The following ZBTB16 variants were observed in gnomAD, a reference collection of about 807,000 sequenced individuals.
ZBTB16 encodes the protein zinc finger and BTB domain containing 16.
ZBTB16 carries 8 observed loss-of-function variants against 56.8 expected under a neutral mutation model. The observed-to-expected ratio is 0.14, with a 90% CI of 0.08 to 0.25. The LOEUF (loss-of-function observed/expected upper bound fraction) is 0.25, where lower values mean the gene tolerates loss of function less well. Ranked by LOEUF, ZBTB16 falls within the 10% of genes least tolerant of loss-of-function variation. ZBTB16 has a pLI of 1.00. For synonymous variants in ZBTB16, 363 were observed against 368.5 expected (o/e 0.98, Z 0.17); for missense variants, 625 against 903.0 (o/e 0.69, Z 3.95).
intron 3 of ZBTB16, among the ~76,000 whole-genome samples, chr11:114,179,262 AAG>A (rs1943189138): frequency 7.6e-6 from 1 of 130,992 alleles, no homozygotes; most frequent in Non-Finnish European, 1.6e-5. Flanking sequence ...ACAAAGGAGA[AAG>A]AGCAAGAGAG....
At chr11:114,175,754 T>C (rs1943093442) in intron 3 of ZBTB16, among the ~76,000 whole-genome samples, 1 of 151,998 alleles carries the variant, frequency 6.6e-6, no homozygotes, top group Admixed American at 6.6e-5. Context: ...AAGAATGCCA[T>C]CGAGACTGAG....
At chr11:114,069,329 C>A (rs1939243886) in intron 2 of ZBTB16, among the ~76,000 whole-genome samples, 1 of 152,232 alleles carries the variant, frequency 6.6e-6, no homozygotes, top group African/African-American at 2.4e-5. Context: ...TCGTGATCCA[C>A]CTGCCTCGGC....
chr11:114,214,608 G>T lies in ZBTB16; in HGVS notation c.1454-27559G>T, dbSNP rs760957909. On this transcript the variant is annotated intron_variant, in intron 4 of 6. Transcript: ENST00000335953. ...TTGGGGGCTTTTTTTTGGCTTTTTT[G>T]TTGTTGTTGTTTTGAGACAGGGTCT... 3.9e-5 allele frequency among the ~76,000 whole-genome samples: 6 copies of T among 152,018 alleles called. No individual in the cohort carries two copies. The South Asian group carries it at 8.3e-4, about 21-fold the overall frequency.
rs555951815 is a variant in ZBTB16, at chr11:114,080,730, C to T, written c.1268+16162C>T. On this transcript the variant is annotated intron_variant, in intron 2 of 6. Coordinates refer to ENST00000335953, the MANE Select transcript of ZBTB16 (RefSeq NM_006006.6). ...GTATCTGCTTTCTCCCTTCTATTTA[C>T]TTCAGATCCATATTCATATCATGCT... 2.6e-5 allele frequency among the ~76,000 whole-genome samples: 4 copies of T among 152,280 alleles called. No homozygotes were observed. The South Asian group carries it at 8.3e-4, about 32-fold the overall frequency.
chr11:114,216,642 C>T (rs1186079007), intron 4 of ZBTB16, among the ~76,000 whole-genome samples: 3 of 152,214 alleles, frequency 2.0e-5, no homozygotes, highest in African/African-American at 4.8e-5. Context: ...ATACACATTT[C>T]TCTTGACTTA....
chr11:114,142,597 A>G (rs1941983977), intron 2 of ZBTB16, among the ~76,000 whole-genome samples: 2 of 152,352 alleles, frequency 1.3e-5, no homozygotes, highest in South Asian at 2.1e-4. Flanking sequence ...AAGGCAATAA[A>G]TGGCTCAGAA....
intron 4 of ZBTB16, among the ~76,000 whole-genome samples, chr11:114,208,084 A>G (rs1943925587): frequency 1.3e-5 from 2 of 152,072 alleles, no homozygotes; most frequent in South Asian, 4.1e-4. Context: ...TTCTCAGCTC[A>G]TTTGTCTTCT....
intron 4 of ZBTB16, among the ~76,000 whole-genome samples, chr11:114,192,505 G>T (rs1424007985): frequency 6.6e-6 from 1 of 152,192 alleles, no homozygotes; most frequent in Non-Finnish European, 1.5e-5. Context: ...CTGCTGTTAA[G>T]ATTATTGTCA....
At chr11:114,170,501 C>T (rs748068795) in intron 3 of ZBTB16, among the ~76,000 whole-genome samples, 10 of 152,190 alleles carry the variant, frequency 6.6e-5, no homozygotes, top group Non-Finnish European at 1.3e-4. Flanking sequence ...TTGGCTCTCT[C>T]CAGGATTCAA....
intron 4 of ZBTB16, among the ~76,000 whole-genome samples, chr11:114,241,234 A>T (rs920009953): frequency 1.6e-5 from 2 of 121,346 alleles, no homozygotes; most frequent in African/African-American, 1.1e-4. Context: ...AGAAGTAGTT[A>T]AAAAAAAAAA....
intron 3 of ZBTB16, among the ~76,000 whole-genome samples, chr11:114,176,779 A>G (rs1943125771): frequency 1.3e-5 from 2 of 152,204 alleles, no homozygotes; most frequent in Admixed American, 1.3e-4. Flanking sequence ...TACACAGCTC[A>G]GGCAGTGACA....
chr11:114,087,536 TG>T (rs1393439015), intron 2 of ZBTB16, among the ~76,000 whole-genome samples: 1 of 152,190 alleles, frequency 6.6e-6, no homozygotes, highest in Non-Finnish European at 1.5e-5. Context: ...CTGTGGCTCC[TG>T]TCTTCCCTTT....
Position 114,063,290 on chromosome 11 carries a change from A to AG in ZBTB16, c.-7dup. On this transcript the variant is annotated 5_prime_UTR_variant, in exon 2 of 7. Coordinates refer to ENST00000335953, the MANE Select transcript of ZBTB16 (RefSeq NM_006006.6). This position sits in a 1 kb window ranked among gnomAD's most constrained non-coding sequence, Gnocchi z 6.5. The stretch of plus-strand genomic sequence containing the variant: ...GAAAGAAAGCCTCATGCCTGAGCCG[A>AG]GGGGAGCACCATGGATCTGACAAAA... The AG allele has an allele frequency of 1.2e-6, 2 of 1,613,508 alleles. No homozygotes were observed. The highest frequency in any genetic ancestry group is 1.7e-6 in the Non-Finnish European group (2 of 1,179,946).
At chr11:114,225,999 A>G (rs1254787939) in intron 4 of ZBTB16, among the ~76,000 whole-genome samples, 1 of 152,216 alleles carries the variant, frequency 6.6e-6, no homozygotes, top group Non-Finnish European at 1.5e-5. Context: ...TAGTAAATAA[A>G]TGGAAGAGTC....
intron 5 of ZBTB16, chr11:114,246,709 A>G (rs922457555): frequency 5.8e-6 from 1 of 172,886 alleles, no homozygotes; most frequent in African/African-American, 2.4e-5. Context: ...CGAGCAGAGG[A>G]AACAGCTATG....
intron 4 of ZBTB16, among the ~76,000 whole-genome samples, chr11:114,219,346 C>G (rs1425825767): frequency 2.0e-5 from 3 of 152,170 alleles, no homozygotes; most frequent in Admixed American, 6.5e-5. Context: ...AAACAGCAAC[C>G]TGTAGCATCC....
intron 2 of ZBTB16, among the ~76,000 whole-genome samples, chr11:114,120,679 G>A (rs577090091): frequency 3.9e-5 from 6 of 152,154 alleles, no homozygotes; most frequent in Admixed American, 1.3e-4. Flanking sequence ...GCGTGTCTTC[G>A]GATGCTGTAT....
intron 2 of ZBTB16, among the ~76,000 whole-genome samples, chr11:114,131,950 G>C (rs2134863116): frequency 6.6e-6 from 1 of 152,164 alleles, no homozygotes; most frequent in South Asian, 2.1e-4. Flanking sequence ...AAATACTTGG[G>C]AGTCAATGAG....
At chr11:114,137,109 T>C (rs1941816753) in intron 2 of ZBTB16, among the ~76,000 whole-genome samples, 1 of 152,146 alleles carries the variant, frequency 6.6e-6, no homozygotes, top group Non-Finnish European at 1.5e-5. Flanking sequence ...TCTTAGAGGG[T>C]TAAACTATTA....
Sources: allele counts gnomAD v4.1 joint callset (sites outside exome capture counted in the v4.1 genomes callset), GRCh38; gene constraint gnomAD v4.1.1; non-coding constraint Gnocchi (gnomAD v3.1); transcripts MANE v1.5; gene names NCBI Gene and HGNC (gene_info 2026-07-23, HGNC 2026-07-21).